PPP1CA: variants seen among roughly 807,000 people sequenced by gnomAD.
PPP1CA encodes serine/threonine-protein phosphatase PP1-alpha catalytic subunit.
Under a neutral mutation model 38.5 loss-of-function variants are expected in PPP1CA, and 14 were observed. That is an observed-to-expected ratio of 0.36 (90% confidence interval 0.24 to 0.57). PPP1CA has a LOEUF of 0.57. Among genes scored for constraint, PPP1CA ranks in the 20% least tolerant of loss-of-function variants. The pLI is 0.80. For missense variants in PPP1CA, 277 were observed against 435.2 expected (o/e 0.64, Z 3.23); for synonymous variants, 200 against 177.3 (o/e 1.13, Z -1.02).
intron 4 of PPP1CA, 116 bp from the exon 5 acceptor site, chr11:67,399,279 G>C: frequency 9.9e-7 from 1 of 1,009,210 alleles, no homozygotes; most frequent in Non-Finnish European, 1.5e-6. Flanking sequence ...TGGTCTCCTG[G>C]GCGCCTAGAC....
chr11:67,401,789 G>C lies in PPP1CA; in HGVS notation c.-7C>G, dbSNP rs781685228. On this transcript the variant is annotated 5_prime_UTR_variant, in exon 1 of 7. Coordinates refer to ENST00000376745, the MANE Select transcript of PPP1CA (RefSeq NM_002708.4). ...GCTTCTCGCTGTCGGACATGGCGGC[G>C]CCGCCGCTCCAGCCCAGCAGCTCCT... 1.4e-6 allele frequency: 2 copies of C among 1,464,342 alleles called. No individual in the cohort carries two copies. The highest frequency in any genetic ancestry group is 9.1e-7 in the Non-Finnish European group (1 of 1,098,404). 90.7% of individuals were successfully genotyped at this position (1,464,342 alleles called of 1,614,324 possible).
Position 67,399,640 on chromosome 11 carries a change from C to T in PPP1CA, c.444G>A (p.Leu148=). ...DECKRRYNIK[L]WKTFTDCFNC... is the part of the protein sequence containing the mutation. ...TGAAGCAGTCAGTGAAGGTTTTCCA[C>T]AGTTTGATGTTGTAGCGTCTCTTGC... Residue 148 remains leucine, a synonymous_variant, in exon 4 of 7, where the codon CTG becomes CTA. Coordinates refer to ENST00000376745, the MANE Select transcript of PPP1CA (RefSeq NM_002708.4). 1 of 1,614,058 alleles carries T rather than the reference C, an allele frequency of 6.2e-7. No individual in the cohort carries two copies. The highest frequency in any genetic ancestry group is 2.2e-5 in the East Asian group (1 of 44,890).
chr11:67,401,338 C>A, intron 1 of PPP1CA, 139 bp from the exon 2 acceptor site: 1 of 1,422,062 alleles, frequency 7.0e-7, no homozygotes, highest in Non-Finnish European at 9.5e-7. Flanking sequence ...GCTGCTGAGC[C>A]TCCCGGGACC....
At chr11:67,401,258 G>A in intron 1 of PPP1CA, 59 bp from the exon 2 acceptor site, 1 of 1,604,862 alleles carries the variant, frequency 6.2e-7, no homozygotes, top group Non-Finnish European at 8.5e-7. Flanking sequence ...TGGGCGACAC[G>A]GGTGGCCCCA....
chr11:67,400,608 T>A, intron 3 of PPP1CA, 81 bp downstream of exon 3: 1 of 1,359,280 alleles, frequency 7.4e-7, no homozygotes, highest in East Asian at 2.3e-5. Context: ...CTGTCAGATA[T>A]CAGGCCAATG....
Position 67,398,436 on chromosome 11 carries a change from C to A in PPP1CA, c.*99G>T. On this transcript the variant is annotated 3_prime_UTR_variant, in exon 7 of 7. Transcript: ENST00000376745. ...CACCAAGGCTCCATGTTCCCCGTGA[C>A]AGGTGGGCCTGAGGGGTCGGGGTGA... 1 of 1,176,172 alleles carries A rather than the reference C, an allele frequency of 8.5e-7. No homozygotes were observed. The highest frequency in any genetic ancestry group is 1.2e-6 in the Non-Finnish European group (1 of 821,592). The allele number at this position is 1,176,172 out of a possible 1,614,324, so 72.9% of individuals were successfully genotyped here. A position where few individuals can be genotyped will look rare whatever the true frequency, so the allele number is the denominator to read the frequency against.
chr11:67,400,957 C>A (rs1217234562), intron 2 of PPP1CA, 38 bp from the exon 3 acceptor site: 1 of 1,611,182 alleles, frequency 6.2e-7, no homozygotes, highest in South Asian at 1.1e-5. Flanking sequence ...GATGCAAGGT[C>A]TAGACCTGAA....
At chr11:67,399,477 C>G in intron 4 of PPP1CA, 84 bp downstream of exon 4, 1 of 1,255,172 alleles carries the variant, frequency 8.0e-7, no homozygotes, top group Non-Finnish European at 1.1e-6. Flanking sequence ...GAAGGAGTGA[C>G]TTCCCAGATG....
intron 1 of PPP1CA, chr11:67,401,497 C>T: frequency 5.2e-6 from 3 of 574,452 alleles, no homozygotes; most frequent in Non-Finnish European, 8.8e-6. Context: ...GCCCCAAGAG[C>T]CCAGGCAACC....
In PPP1CA at chr11:67,401,832, C is replaced by T. The variant is rs1862900096; in HGVS notation, c.-50G>A. ...CAGCTCCTGGCCCGCTCCTGCCTCC[C>T]GCCCTCCGGCAGCCTCCTTCCGGCC... On this transcript the variant is annotated 5_prime_UTR_variant, in exon 1 of 7. Coordinates refer to ENST00000376745, the MANE Select transcript of PPP1CA (RefSeq NM_002708.4). The T allele has an allele frequency of 7.4e-7, 1 of 1,346,568 alleles. No homozygotes were observed. The highest frequency in any genetic ancestry group is 3.1e-5 in the East Asian group (1 of 32,196). The allele number at this position is 1,346,568 out of a possible 1,614,324, so 83.4% of individuals were successfully genotyped here.
chr11:67,398,695 A>G, intron 6 of PPP1CA, 27 bp downstream of exon 6: 1 of 1,613,178 alleles, frequency 6.2e-7, no homozygotes, highest in African/African-American at 1.3e-5. Flanking sequence ...CACAGGGCCT[A>G]GCGGCTCCTT....
Position 67,401,829 on chromosome 11 carries a change from T to C in PPP1CA, c.-47A>G. 3 of 1,352,124 alleles carry C rather than the reference T, an allele frequency of 2.2e-6. 1 individual carries two copies. Among genetic ancestry groups the C allele is most frequent in the South Asian group, 3.7e-5 (2 of 54,112 alleles). The allele number at this position is 1,352,124 out of a possible 1,614,324, so 83.8% of individuals were successfully genotyped here. On this transcript the variant is annotated 5_prime_UTR_variant, in exon 1 of 7. Coordinates refer to ENST00000376745, the MANE Select transcript of PPP1CA (RefSeq NM_002708.4). ...CAGCAGCTCCTGGCCCGCTCCTGCC[T>C]CCCGCCCTCCGGCAGCCTCCTTCCG...
rs1214850070 is a variant in PPP1CA at position 67,401,375 on chromosome 11, C to T, written c.56-176G>A. 5 of 1,079,102 alleles carry T rather than the reference C, an allele frequency of 4.6e-6. No homozygotes were observed. The South Asian group carries it at 6.3e-5, about 14-fold the overall frequency. The allele number at this position is 1,079,102 out of a possible 1,614,324, so 66.8% of individuals were successfully genotyped here. The stretch of plus-strand genomic sequence containing the variant: ...CGGCCTCAAGCCTCCCAGGGGAAGC[C>T]CCCAGCTACCCTCAGCGCCTCGGGA... On this transcript the variant is annotated intron_variant, in intron 1 of 6. Coordinates refer to ENST00000376745, the MANE Select transcript of PPP1CA (RefSeq NM_002708.4).
At chr11:67,401,583 C>A in intron 1 of PPP1CA, 145 bp downstream of exon 1, 1 of 717,286 alleles carries the variant, frequency 1.4e-6, no homozygotes, top group Non-Finnish European at 1.9e-6. Flanking sequence ...CAGGCGCGTC[C>A]GCGGGGGGGC....
Position 67,398,369 on chromosome 11 carries a change from T to C in PPP1CA, c.*166A>G. 1.4e-6 allele frequency: 1 copy of C among 699,218 alleles called. No homozygotes were observed. The highest frequency in any genetic ancestry group is 2.3e-6 in the Non-Finnish European group (1 of 428,852). 43.3% of individuals were successfully genotyped at this position (699,218 alleles called of 1,614,324 possible). A position where few individuals can be genotyped will look rare whatever the true frequency, so the allele number is the denominator to read the frequency against. ...CAGGCAGGAAGCAGCCCTGGGGGAC[T>C]GGACGCTGCTATTGATTCATTAAAA... is the stretch of plus-strand genomic sequence containing the variant. On this transcript the variant is annotated 3_prime_UTR_variant, in exon 7 of 7. Transcript: ENST00000376745.
rs139587114 is a variant in PPP1CA, at chr11:67,399,036, G to A, written c.651C>T (p.Gly217=). 1.2e-5 allele frequency: 19 copies of A among 1,613,528 alleles called. No individual in the cohort carries two copies. The Middle Eastern group carries it at 4.9e-4, about 42-fold the overall frequency. Residue 217 remains glycine (G), a synonymous_variant, in exon 5 of 7, where the codon GGC becomes GGT. Transcript: ENST00000376745. ...TAAAAGAGACGCCACGGTCGTTCTCGCCCCAGCCCTGCACGTCCTTGTCAG... is the reference window on the plus strand; with the variant it reads ...TAAAAGAGACGCCACGGTCGTTCTCACCCCAGCCCTGCACGTCCTTGTCAG... ...SDPDKDVQGW[G]ENDRGVSFTF...
In PPP1CA at chr11:67,401,595, G is replaced by A. The variant is rs1862892640; in HGVS notation, c.55+133C>T. On this transcript the variant is annotated intron_variant, in intron 1 of 6. Transcript: ENST00000376745. ...TCTCAGGCGCGTCCGCGGGGGGGCA[G>A]CTGCGGCCACGGAACCTCGCTGCCC... 3 of 819,380 alleles carry A rather than the reference G, an allele frequency of 3.7e-6. No individual in the cohort carries two copies. In the South Asian group the frequency reaches 1.5e-4, roughly 40 times the overall value. 50.8% of individuals were successfully genotyped at this position (819,380 alleles called of 1,614,324 possible). A position where few individuals can be genotyped will look rare whatever the true frequency, so the allele number is the denominator to read the frequency against.
Position 67,398,426 on chromosome 11 carries a change from T to C in PPP1CA, c.*109A>G, listed in dbSNP as rs1392026497. The C allele has an allele frequency of 6.6e-6, 7 of 1,067,680 alleles. No individual in the cohort carries two copies. The highest frequency in any genetic ancestry group is 4.8e-5 in the African/African-American group (3 of 62,560). 66.1% of individuals were successfully genotyped at this position (1,067,680 alleles called of 1,614,324 possible). ...AAGAAAAATACACCAAGGCTCCATG[T>C]TCCCCGTGACAGGTGGGCCTGAGGG... On this transcript the variant is annotated 3_prime_UTR_variant, in exon 7 of 7. Transcript: ENST00000376745.
rs1459437708 is a variant in PPP1CA at position 67,399,116 on chromosome 11, G to A, written c.571C>T (p.Arg191Trp). ...CCCTGGTCAGGCACATCTGTGGGCC[G>A]CATGATCCGCCGAATCTGCTCCATA... is the stretch of plus-strand genomic sequence containing the variant. ...QSMEQIRRIM[R>W]PTDVPDQGLL... The change falls in exon 5 of 7, where the codon CGG becomes TGG. Residue 191 changes from arginine to tryptophan, a missense_variant. By Grantham distance (101) the Arg-to-Trp change is moderately radical (BLOSUM62 -3). Transcript: ENST00000376745. The A allele has an allele frequency of 7.4e-6, 12 of 1,613,432 alleles. No homozygotes were observed. The highest frequency in any genetic ancestry group is 1.6e-4 in the Middle Eastern group (1 of 6,084).
Sources: allele counts gnomAD v4.1 joint callset, GRCh38; gene constraint gnomAD v4.1.1; transcripts MANE v1.5; gene names NCBI Gene and HGNC (gene_info 2026-07-23, HGNC 2026-07-21).